MAML2: variants seen among roughly 807,000 people sequenced by gnomAD.
MAML2 encodes the protein mastermind-like protein 2.
In MAML2, 22 loss-of-function variants were observed where a neutral mutation model predicts 96.1. That is an observed-to-expected ratio of 0.23 (90% CI 0.16 to 0.33). The LOEUF (loss-of-function observed/expected upper bound fraction) is 0.33. Ranked by LOEUF, MAML2 falls within the 10% of genes least tolerant of loss-of-function variation. MAML2 has a pLI of 1.00. For synonymous variants in MAML2, 561 were observed against 521.3 expected (o/e 1.08, Z -1.04); for missense variants, 1,367 against 1,392.4 (o/e 0.98, Z 0.29).
In MAML2 at chr11:96,188,355, C is replaced by T. The variant is rs1861603451; in HGVS notation, c.514-94838G>A. Among the ~76,000 whole-genome samples the T allele has an allele frequency of 2.6e-5, 4 of 152,228 alleles. No homozygotes were observed. In the South Asian group the frequency reaches 8.3e-4, roughly 32 times the overall value. On this transcript the variant is annotated intron_variant, in intron 1 of 4. Coordinates refer to ENST00000524717, the MANE Select transcript of MAML2 (RefSeq NM_032427.4). ...AAATGGAAAGCCAACACATCTCTCT[C>T]TACCCCCATCCTTCCCTGAATAACC...
chr11:96,145,599 T>C (rs1265147400), intron 1 of MAML2, among the ~76,000 whole-genome samples: 1 of 152,232 alleles, frequency 6.6e-6, no homozygotes, highest in East Asian at 1.9e-4. Flanking sequence ...CCTGTCTCTT[T>C]CACTTATTAG....
In MAML2 at chr11:96,092,096, TTGC is replaced by T. The variant is rs537179849; in HGVS notation, c.1932_1934del (p.Gln665del). The T allele has an allele frequency of 3.4e-5, 52 of 1,547,920 alleles. No homozygotes were observed. In the Middle Eastern group the frequency reaches 6.9e-4, roughly 21 times the overall value. On this transcript the variant is annotated inframe_deletion, in exon 2 of 5. Transcript: ENST00000524717. This position sits in a 1 kb window ranked among gnomAD's most constrained non-coding sequence, Gnocchi z 4.1. ...GTTGTTGCTGCTGCTGCTGCTGTTG[TTGC>T]TGCTGCTGCTGCTGTTGGGCTGAAA...
At chr11:95,980,064 T>A (rs1353368794) in intron 4 of MAML2, 101 bp from the exon 5 acceptor site, 2 of 872,360 alleles carry the variant, frequency 2.3e-6, no homozygotes, top group Non-Finnish European at 1.8e-6. Context: ...CTTTCAGGTG[T>A]AAGACAATTT....
chr11:96,117,869 C>G (rs1288189807), intron 1 of MAML2, among the ~76,000 whole-genome samples: 1 of 152,146 alleles, frequency 6.6e-6, no homozygotes, highest in Non-Finnish European at 1.5e-5. Context: ...TGCCTTTTAC[C>G]AGGTGACTCC....
chr11:96,252,467 CG>C (rs1565263167), intron 1 of MAML2, among the ~76,000 whole-genome samples: 2 of 143,778 alleles, frequency 1.4e-5, no homozygotes, highest in Non-Finnish European at 3.0e-5. Flanking sequence ...CGCTCTGTCA[CG>C]AGGCTGGAGT....
intron 3 of MAML2, among the ~76,000 whole-genome samples, chr11:95,986,557 A>G (rs539712252): frequency 6.6e-6 from 1 of 152,206 alleles, no homozygotes; most frequent in East Asian, 1.9e-4. Flanking sequence ...TCAGGAGATA[A>G]CCAACAGGTA....
At chr11:96,277,476 C>T (rs750771846) in intron 1 of MAML2, among the ~76,000 whole-genome samples, 1 of 152,050 alleles carries the variant, frequency 6.6e-6, no homozygotes, top group East Asian at 1.9e-4. Context: ...ACTGTCCAGG[C>T]GCGGTGGCTC....
chr11:96,228,238 T>TA (rs1862242595), intron 1 of MAML2, among the ~76,000 whole-genome samples: 1 of 152,220 alleles, frequency 6.6e-6, no homozygotes, highest in Non-Finnish European at 1.5e-5. Context: ...GCTGCCTGGC[T>TA]AACTCCCCAT....
chr11:96,116,121 A>G (rs1212977837), intron 1 of MAML2, among the ~76,000 whole-genome samples: 2 of 152,186 alleles, frequency 1.3e-5, no homozygotes, highest in Non-Finnish European at 2.9e-5. Flanking sequence ...AGCTCCTGTA[A>G]ATAACATATG....
At chr11:96,047,930 A>AAAAAAAAAAAAAAAAG (rs1555001442) in intron 2 of MAML2, among the ~76,000 whole-genome samples, 9 of 127,398 alleles carry the variant, frequency 7.1e-5, no homozygotes, top group Admixed American at 9.4e-5. Context: ...AAAAAAAAAA[A>AAAAAAAAAAAAAAAAG]AAAAGAAAAA....
At chr11:96,330,882 G>A (rs530983469) in intron 1 of MAML2, among the ~76,000 whole-genome samples, 1 of 152,290 alleles carries the variant, frequency 6.6e-6, no homozygotes, top group East Asian at 1.9e-4. Context: ...CGAGATTCAA[G>A]GGGGAAAAAA....
chr11:96,240,347 G>A (rs1370089229), intron 1 of MAML2, among the ~76,000 whole-genome samples: 2 of 151,702 alleles, frequency 1.3e-5, no homozygotes, highest in African/African-American at 2.4e-5. Context: ...TCAGGAGATC[G>A]AGACCATCCT....
intron 1 of MAML2, among the ~76,000 whole-genome samples, chr11:96,299,056 A>ATATATATATATATATAT (rs1191083053): frequency 8.0e-3 from 396 of 49,234 alleles, no homozygotes; most frequent in Middle Eastern, 0.011. Flanking sequence ...AAAAAAAAAA[A>ATATATATATATATATAT]AAAAATATAT....
At chr11:96,130,782 T>G (rs2135855613) in intron 1 of MAML2, among the ~76,000 whole-genome samples, 1 of 152,088 alleles carries the variant, frequency 6.6e-6, no homozygotes, top group East Asian at 1.9e-4. Flanking sequence ...TTTTTTTTTT[T>G]TAGTAATTAA....
intron 1 of MAML2, among the ~76,000 whole-genome samples, chr11:96,211,330 T>C (rs1419015056): frequency 6.6e-6 from 1 of 151,998 alleles, no homozygotes; most frequent in Non-Finnish European, 1.5e-5. Context: ...AAACATTGAA[T>C]GATAAACAAT....
chr11:96,040,065 G>T (rs935163873), intron 2 of MAML2, among the ~76,000 whole-genome samples: 1 of 151,980 alleles, frequency 6.6e-6, no homozygotes, highest in African/African-American at 2.4e-5. Context: ...CCTCAAACCG[G>T]GGTTCCCTTT....
At chr11:96,213,987 G>A (rs1862011556) in intron 1 of MAML2, among the ~76,000 whole-genome samples, 2 of 152,014 alleles carry the variant, frequency 1.3e-5, no homozygotes, top group Non-Finnish European at 2.9e-5. Context: ...AGGTTAAAGT[G>A]GACACAAATG....
chr11:96,037,390 T>C (rs1205512214), intron 2 of MAML2, among the ~76,000 whole-genome samples: 1 of 152,236 alleles, frequency 6.6e-6, no homozygotes, highest in South Asian at 2.1e-4. Flanking sequence ...TTCTCTGATA[T>C]ATACACATGC....
In MAML2 at chr11:96,090,399, A is replaced by C. The variant is rs943270968; in HGVS notation, c.2139+1493T>G. On this transcript the variant is annotated intron_variant, in intron 2 of 4. Transcript: ENST00000524717. The stretch of plus-strand genomic sequence containing the variant: ...AATTACCTCATTTTATTTTCAATAC[A>C]CTCCTAGGAGATTTTCTTTTCACTC... Among the ~76,000 whole-genome samples the C allele has an allele frequency of 2.0e-5, 3 of 152,152 alleles. No homozygotes were observed. The South Asian group carries it at 6.2e-4, about 32-fold the overall frequency.
Sources: allele counts gnomAD v4.1 joint callset (sites outside exome capture counted in the v4.1 genomes callset), GRCh38; gene constraint gnomAD v4.1.1; non-coding constraint Gnocchi (gnomAD v3.1); transcripts MANE v1.5; gene names NCBI Gene and HGNC (gene_info 2026-07-23, HGNC 2026-07-21).